Variants in GABRG3 observed in about 807,000 individuals in gnomAD.
The protein encoded by GABRG3 is gamma-aminobutyric acid receptor subunit gamma-3.
GABRG3 carries 25 observed loss-of-function variants against 48.8 expected under a neutral mutation model. That is an observed-to-expected ratio of 0.51 (90% CI 0.37 to 0.72). GABRG3 has a LOEUF of 0.72. GABRG3 is among the 30% of genes least tolerant of loss of function. The probability of loss-of-function intolerance (pLI) is 0.00; values close to 1 mark genes in which losing one functional copy is unlikely to be tolerated. For missense variants in GABRG3, 394 were observed against 577.9 expected (o/e 0.68, Z 3.26); for synonymous variants, 227 against 217.6 (o/e 1.04, Z -0.38).
At position 27,493,994 on chromosome 15, in the gene GABRG3, T is replaced by C. The variant is rs144909271; in HGVS notation, c.712+13207T>C. ...TATCAGGAAGCTGTGGTTATTCTGG[T>C]TTTATAAAAGAATGGATGTTGAATT... On this transcript the variant is annotated intron_variant, in intron 6 of 9. Coordinates refer to ENST00000615808, the MANE Select transcript of GABRG3 (RefSeq NM_033223.5). Among the ~76,000 whole-genome samples the C allele has an allele frequency of 4.6e-3, 707 of 152,284 alleles. 8 individuals are homozygous for C. The highest frequency in any genetic ancestry group is 0.016 in the African/African-American group (678 of 41,560).
rs561013388 is a variant in GABRG3 at position 27,458,286 on chromosome 15, A to C, written c.575-22364A>C. On this transcript the variant is annotated intron_variant, in intron 5 of 9. Coordinates refer to ENST00000615808, the MANE Select transcript of GABRG3 (RefSeq NM_033223.5). ...TAATATGACATCGCTCCATCCTCAT[A>C]AATTGTATTGGCCTTGACGCTGTTT... Among the ~76,000 whole-genome samples the C allele has an allele frequency of 1.4e-4, 22 of 152,308 alleles. No individual in the cohort carries two copies. In the East Asian group the frequency reaches 3.1e-3, roughly 21 times the overall value.
At chr15:27,376,497 G>C (rs993683515) in intron 5 of GABRG3, among the ~76,000 whole-genome samples, 1 of 152,214 alleles carries the variant, frequency 6.6e-6, no homozygotes, top group African/African-American at 2.4e-5. Flanking sequence ...GGGCATCCAG[G>C]TGTTTCCATA....
chr15:27,098,428 C>T (rs74497706), intron 3 of GABRG3, among the ~76,000 whole-genome samples: 34,946 of 151,968 alleles, frequency 0.23, 4,877 homozygotes, highest in East Asian at 0.38. Context: ...ACAGACACTC[C>T]GTCTCAAAAA....
chr15:27,092,252 A>G (rs1340776011), intron 3 of GABRG3, among the ~76,000 whole-genome samples: 1 of 152,078 alleles, frequency 6.6e-6, no homozygotes, highest in Non-Finnish European at 1.5e-5. Context: ...TTCCTTTCTG[A>G]CAGAACTGGG....
intron 5 of GABRG3, among the ~76,000 whole-genome samples, chr15:27,440,549 C>T (rs995514335): frequency 3.3e-5 from 5 of 152,186 alleles, no homozygotes; most frequent in Admixed American, 6.5e-5. Context: ...GCTAAACATT[C>T]ATAGGCCTGT....
chr15:26,981,080 G>T (rs1049618859), intron 2 of GABRG3, among the ~76,000 whole-genome samples: 7 of 152,014 alleles, frequency 4.6e-5, no homozygotes, highest in Non-Finnish European at 8.8e-5. Flanking sequence ...TAAAATAAAA[G>T]TTTTTTAAAA....
In GABRG3 at chr15:27,050,892, T is replaced by C. The variant is rs190710831; in HGVS notation, c.270+24071T>C. 1.6e-3 allele frequency among the ~76,000 whole-genome samples: 246 copies of C among 152,334 alleles called. 1 individual carries two copies. The highest frequency in any genetic ancestry group is 5.8e-3 in the African/African-American group (240 of 41,576). On this transcript the variant is annotated intron_variant, in intron 3 of 9. Transcript: ENST00000615808. ...ATTTTGCTTATAATATGATGTTTAA[T>C]ATCATGGTCCTGCTATTGCAAATTA...
chr15:27,369,761 T>G (rs34136482), intron 5 of GABRG3, among the ~76,000 whole-genome samples: 8 of 133,310 alleles, frequency 6.0e-5, no homozygotes, highest in Non-Finnish European at 1.1e-4. Flanking sequence ...GAGCTGAGAT[T>G]GCACCACTGC....
chr15:27,043,473 G>A (rs537591789), intron 3 of GABRG3, among the ~76,000 whole-genome samples: 6 of 152,268 alleles, frequency 3.9e-5, no homozygotes, highest in East Asian at 1.9e-4. Flanking sequence ...GTCAGAAGGG[G>A]CCAGCTCACC....
intron 3 of GABRG3, among the ~76,000 whole-genome samples, chr15:27,064,224 AG>A (rs1450080408): frequency 6.6e-6 from 1 of 152,134 alleles, no homozygotes; most frequent in Non-Finnish European, 1.5e-5. Flanking sequence ...GGATACTTGC[AG>A]TGTTGGCTAG....
At chr15:27,335,954 G>C (rs919938109) in intron 5 of GABRG3, among the ~76,000 whole-genome samples, 1 of 152,118 alleles carries the variant, frequency 6.6e-6, no homozygotes, top group Non-Finnish European at 1.5e-5. Flanking sequence ...TTGGGAGGCC[G>C]AGGTGGGCAG....
chr15:27,001,478 A>G (rs1310138938), intron 2 of GABRG3, among the ~76,000 whole-genome samples: 1 of 152,226 alleles, frequency 6.6e-6, no homozygotes, highest in African/African-American at 2.4e-5. Context: ...TTGTTGGCCA[A>G]TGATGGCTGC....
intron 3 of GABRG3, among the ~76,000 whole-genome samples, chr15:27,210,191 C>T (rs1889028403): frequency 2.6e-5 from 4 of 152,180 alleles, no homozygotes; most frequent in African/African-American, 9.7e-5. Flanking sequence ...TGAATGTGGA[C>T]AGGCAGCCAC....
In GABRG3 at chr15:27,190,683, G is replaced by A. The variant is rs185208714; in HGVS notation, c.271-136126G>A. Among the ~76,000 whole-genome samples the A allele has an allele frequency of 4.4e-3, 675 of 151,970 alleles. 8 individuals carry two copies. The highest frequency in any genetic ancestry group is 0.015 in the African/African-American group (631 of 41,424). On this transcript the variant is annotated intron_variant, in intron 3 of 9. Transcript: ENST00000615808. ...TGATCCTTTCAAAAAACCAGCTCCCGGATTCATTAATTTTTTGAAGGGTTT... is the reference window on the plus strand; with the variant it reads ...TGATCCTTTCAAAAAACCAGCTCCCAGATTCATTAATTTTTTGAAGGGTTT...
chr15:27,216,778 A>ATT lies in GABRG3; in HGVS notation c.271-110021_271-110020dup, dbSNP rs57030355. ...TATTTATTTATTTATTTATTTTTTA[A>ATT]TTTTTTTTTTTATTATACTCTAAGT... On this transcript the variant is annotated intron_variant, in intron 3 of 9. Coordinates refer to ENST00000615808, the MANE Select transcript of GABRG3 (RefSeq NM_033223.5). 0.015 allele frequency among the ~76,000 whole-genome samples: 1,751 copies of ATT among 119,572 alleles called. 61 individuals carry two copies. The East Asian group carries it at 0.16, about 11-fold the overall frequency. 78.4% of individuals were successfully genotyped at this position (119,572 alleles called of 152,430 possible). A position where few individuals can be genotyped will look rare whatever the true frequency, so the allele number is the denominator to read the frequency against.
At chr15:27,509,828 C>A (rs757145717) in intron 6 of GABRG3, among the ~76,000 whole-genome samples, 9 of 152,166 alleles carry the variant, frequency 5.9e-5, no homozygotes, top group Non-Finnish European at 1.2e-4. Flanking sequence ...TATTTAAATA[C>A]CCTCTTTCCT....
chr15:27,397,903 C>T (rs1013514208), intron 5 of GABRG3, among the ~76,000 whole-genome samples: 3 of 150,496 alleles, frequency 2.0e-5, no homozygotes, highest in Non-Finnish European at 2.9e-5. Flanking sequence ...CTCCCAGGTT[C>T]GTGTCATTCT....
At chr15:27,445,392 G>A (rs1888914213) in intron 5 of GABRG3, among the ~76,000 whole-genome samples, 1 of 152,118 alleles carries the variant, frequency 6.6e-6, no homozygotes, top group African/African-American at 2.4e-5. Context: ...GTGTGAAGTG[G>A]CATCACTTTG....
At chr15:27,064,078 A>G (rs1359442153) in intron 3 of GABRG3, among the ~76,000 whole-genome samples, 1 of 152,136 alleles carries the variant, frequency 6.6e-6, no homozygotes, top group Non-Finnish European at 1.5e-5. Flanking sequence ...GATGCAAATG[A>G]TCCCTTGAGT....
Sources: allele counts gnomAD v4.1 joint callset (sites outside exome capture counted in the v4.1 genomes callset), GRCh38; gene constraint gnomAD v4.1.1; transcripts MANE v1.5; gene names NCBI Gene and HGNC (gene_info 2026-07-23, HGNC 2026-07-21).